Variants in HS3ST4 observed in about 807,000 individuals in gnomAD.
The protein encoded by HS3ST4 is heparan sulfate-glucosamine 3-sulfotransferase 4, also known as heparan sulfate glucosamine 3-O-sulfotransferase 4.
Under a neutral mutation model 29.2 loss-of-function variants are expected in HS3ST4, and 17 were observed. That is an observed-to-expected ratio of 0.58 (90% CI 0.40 to 0.87). HS3ST4 has a LOEUF of 0.87. Among genes scored for constraint, HS3ST4 ranks in the 40% least tolerant of loss-of-function variants. The pLI is 0.00. For synonymous variants in HS3ST4, 314 were observed against 285.7 expected, an observed-to-expected ratio of 1.10 and a Z score of -1.00; for missense variants, 627 against 634.5, an observed-to-expected ratio of 0.99 and a Z score of 0.13.
intron 1 of HS3ST4, among the ~76,000 whole-genome samples, chr16:25,842,834 T>C (rs957301716): frequency 2.0e-5 from 3 of 152,216 alleles, no homozygotes; most frequent in Non-Finnish European, 4.4e-5. Flanking sequence ...AGCTGTGTGA[T>C]ATTAAACAAG....
At chr16:25,737,450 TAA>T (rs1171462745) in intron 1 of HS3ST4, among the ~76,000 whole-genome samples, 1 of 152,162 alleles carries the variant, frequency 6.6e-6, no homozygotes, top group Non-Finnish European at 1.5e-5. Flanking sequence ...GCAATGTGAG[TAA>T]AATTGGAGGC....
chr16:25,939,157 G>T (rs1012727097), intron 1 of HS3ST4, among the ~76,000 whole-genome samples: 1 of 152,028 alleles, frequency 6.6e-6, no homozygotes, highest in African/African-American at 2.4e-5. Context: ...TGGGGATGGT[G>T]GTGGGGAATA....
At chr16:25,901,239 G>A (rs1365322695) in intron 1 of HS3ST4, among the ~76,000 whole-genome samples, 1 of 152,140 alleles carries the variant, frequency 6.6e-6, no homozygotes, top group African/African-American at 2.4e-5. Context: ...GGTCCATGGG[G>A]TCCCAGGGCC....
intron 1 of HS3ST4, among the ~76,000 whole-genome samples, chr16:25,889,128 C>T (rs1436872823): frequency 2.6e-5 from 4 of 152,310 alleles, no homozygotes; most frequent in East Asian, 1.9e-4. Flanking sequence ...ATATGCGCCA[C>T]AGGAGGAGAA....
rs748647536 is a variant in HS3ST4, at chr16:25,693,174, C to T, written c.734+23C>T. ...CAGGTAGGACCCTGGGCTCCGCGGG[C>T]TGGTGGAGACGCGTGGGGGAGACGC... On this transcript the variant is annotated intron_variant, in intron 1 of 1. Coordinates refer to ENST00000331351, the MANE Select transcript of HS3ST4 (RefSeq NM_006040.3). 7 of 1,540,300 alleles carry T rather than the reference C, an allele frequency of 4.5e-6. No homozygotes were observed. The South Asian group carries it at 8.7e-5, about 19-fold the overall frequency.
intron 1 of HS3ST4, chr16:26,063,140 T>C (rs1412762700): frequency 6.5e-6 from 1 of 154,474 alleles, no homozygotes; most frequent in African/African-American, 2.4e-5. Flanking sequence ...ATTGCTCTCA[T>C]GCTGCTGATG....
intron 1 of HS3ST4, among the ~76,000 whole-genome samples, chr16:26,072,399 C>T (rs776765179): frequency 6.6e-6 from 1 of 152,078 alleles, no homozygotes; most frequent in Non-Finnish European, 1.5e-5. Context: ...GTGTGGGACA[C>T]GGAGCATCAG....
At position 26,135,611 on chromosome 16, in the gene HS3ST4, G is replaced by C; in HGVS notation, c.735-1G>C. 1 of 1,585,728 alleles carries C rather than the reference G, an allele frequency of 6.3e-7. No individual in the cohort carries two copies. On this transcript the variant is annotated splice_acceptor_variant, in intron 1 of 1. Coordinates refer to ENST00000331351, the MANE Select transcript of HS3ST4 (RefSeq NM_006040.3). LOFTEE classifies it high-confidence loss of function. ...CTCTTCCTTTTTCCTCCCTCTCCTA[G>C]AAATGTGATGCCCAAGACTTTGGAT...
At chr16:25,968,748 T>C (rs954528710) in intron 1 of HS3ST4, among the ~76,000 whole-genome samples, 1 of 152,196 alleles carries the variant, frequency 6.6e-6, no homozygotes, top group African/African-American at 2.4e-5. Flanking sequence ...GAGGAGTTGA[T>C]GTCTTAATAC....
intron 1 of HS3ST4, among the ~76,000 whole-genome samples, chr16:26,055,041 TA>T (rs1898390861): frequency 6.6e-6 from 1 of 152,116 alleles, no homozygotes; most frequent in African/African-American, 2.4e-5. Context: ...CCTATGACAT[TA>T]AATTCAGAGC....
chr16:25,895,018 T>G (rs920567928), intron 1 of HS3ST4, among the ~76,000 whole-genome samples: 5 of 152,008 alleles, frequency 3.3e-5, no homozygotes, highest in Non-Finnish European at 7.4e-5. Context: ...GGGAGACAGA[T>G]GAGAAAAATG....
chr16:25,814,171 A>G (rs963222106), intron 1 of HS3ST4, among the ~76,000 whole-genome samples: 1 of 152,206 alleles, frequency 6.6e-6, no homozygotes, highest in Non-Finnish European at 1.5e-5. Context: ...ATGGAATTAC[A>G]TGGCTTCATT....
At chr16:25,996,603 A>G (rs1157362862) in intron 1 of HS3ST4, among the ~76,000 whole-genome samples, 1 of 152,116 alleles carries the variant, frequency 6.6e-6, no homozygotes, top group African/African-American at 2.4e-5. Flanking sequence ...AACTTATCTC[A>G]AGGTTAATTT....
chr16:25,730,239 T>TTTTTC (rs1165427129), intron 1 of HS3ST4, among the ~76,000 whole-genome samples: 1 of 152,168 alleles, frequency 6.6e-6, no homozygotes, highest in African/African-American at 2.4e-5. Context: ...AGGTGACATT[T>TTTTTC]TTTTCTTCCT....
intron 1 of HS3ST4, among the ~76,000 whole-genome samples, chr16:25,756,662 A>T (rs1170223005): frequency 1.3e-5 from 2 of 152,174 alleles, no homozygotes; most frequent in Non-Finnish European, 2.9e-5. Flanking sequence ...CCTACAGTAC[A>T]TCCTTGCGGT....
At chr16:25,754,461 A>C (rs1326499503) in intron 1 of HS3ST4, among the ~76,000 whole-genome samples, 2 of 151,682 alleles carry the variant, frequency 1.3e-5, no homozygotes, top group South Asian at 2.1e-4. Flanking sequence ...CCATCTACCC[A>C]TCCATCCACC....
At chr16:25,900,602 A>G (rs1968111880) in intron 1 of HS3ST4, among the ~76,000 whole-genome samples, 1 of 152,186 alleles carries the variant, frequency 6.6e-6, no homozygotes, top group Non-Finnish European at 1.5e-5. Flanking sequence ...CAATACAACA[A>G]CATTGGGATG....
chr16:25,720,386 A>G (rs923733518), intron 1 of HS3ST4, among the ~76,000 whole-genome samples: 3 of 152,186 alleles, frequency 2.0e-5, no homozygotes, highest in African/African-American at 4.8e-5. Flanking sequence ...AACAGAAGGT[A>G]TACATGATAT....
chr16:26,075,000 C>T (rs1898644945), intron 1 of HS3ST4, among the ~76,000 whole-genome samples: 1 of 152,186 alleles, frequency 6.6e-6, no homozygotes, highest in Non-Finnish European at 1.5e-5. Flanking sequence ...CGAGGCCAGC[C>T]TGGCTGACAT....
Sources: gnomAD v4.1 joint callset for allele counts (sites outside exome capture counted in the v4.1 genomes callset) on GRCh38, gnomAD v4.1.1 for gene constraint, MANE v1.5 for transcripts, NCBI Gene and HGNC (gene_info 2026-07-23, HGNC 2026-07-21) for gene names.